The following GAS6 variants were observed in gnomAD, a reference collection of about 807,000 sequenced individuals.
GAS6 encodes the protein growth arrest specific 6.
GAS6 carries 41 observed loss-of-function variants against 75.8 expected under a neutral mutation model. The observed-to-expected ratio is 0.54, with a 90% CI of 0.42 to 0.70. GAS6 has a LOEUF of 0.70. GAS6 is among the 30% of genes least tolerant of loss of function. The probability of loss-of-function intolerance (pLI) is 0.00; values close to 1 mark genes in which losing one functional copy is unlikely to be tolerated. For synonymous variants in GAS6, 432 were observed against 412.6 expected (o/e 1.05, Z -0.57); for missense variants, 854 against 940.2 (o/e 0.91, Z 1.20).
chr13:113,823,588 G>A (rs574119601), intron 12 of GAS6, 38 bp from the exon 13 acceptor site: 25 of 1,567,222 alleles, frequency 1.6e-5, no homozygotes, highest in East Asian at 6.9e-5. Context: ...TGGTATGCAC[G>A]GTGGAGAGGC....
chr13:113,824,012 G>A (rs1023508670), intron 12 of GAS6, among the ~76,000 whole-genome samples: 1 of 152,216 alleles, frequency 6.6e-6, no homozygotes, highest in Admixed American at 6.5e-5. Flanking sequence ...GATAGCATGC[G>A]GACAGGAGCT....
chr13:113,849,460 A>G (rs1055226414), intron 2 of GAS6, among the ~76,000 whole-genome samples: 1 of 151,916 alleles, frequency 6.6e-6, no homozygotes, highest in African/African-American at 2.4e-5. Flanking sequence ...AAGGGAAGTG[A>G]TGGGGCTTTG....
chr13:113,830,472 G>A (rs1220019506), intron 10 of GAS6, among the ~76,000 whole-genome samples: 1 of 92,188 alleles, frequency 1.1e-5, no homozygotes, highest in Non-Finnish European at 1.9e-5. Flanking sequence ...CACCTGCCCC[G>A]GGCCCCTCCT....
intron 11 of GAS6, 66 bp from the exon 12 acceptor site, chr13:113,827,230 C>T (rs532062302): frequency 3.6e-5 from 56 of 1,544,720 alleles, no homozygotes; most frequent in East Asian, 1.4e-4. Context: ...ATGCCCCAGT[C>T]GGTGGGTGGC....
At chr13:113,852,584 C>T (rs2051884529) in intron 2 of GAS6, among the ~76,000 whole-genome samples, 1 of 152,210 alleles carries the variant, frequency 6.6e-6, no homozygotes, top group Non-Finnish European at 1.5e-5. Context: ...GCCTCTGCTG[C>T]CTTTGCTCTG....
chr13:113,854,369 C>G (rs1210208951), intron 2 of GAS6, among the ~76,000 whole-genome samples: 1 of 152,264 alleles, frequency 6.6e-6, no homozygotes, highest in African/African-American at 2.4e-5. Flanking sequence ...CAGAGGAGCT[C>G]GAGTGGCTTC....
intron 4 of GAS6, 81 bp from the exon 5 acceptor site, chr13:113,839,931 G>A: frequency 2.5e-6 from 4 of 1,601,672 alleles, no homozygotes; most frequent in Non-Finnish European, 3.4e-6. Flanking sequence ...CGGGGCGGCT[G>A]TGGGGTCTCG....
chr13:113,833,676 GAC>G, intron 8 of GAS6: 1 of 1,002,586 alleles, frequency 1.0e-6, no homozygotes, highest in African/African-American at 1.8e-5. Flanking sequence ...CGGTGTGACA[GAC>G]ACCGGTGACA....
intron 6 of GAS6, 65 bp from the exon 7 acceptor site, chr13:113,835,700 G>A (rs2051694577): frequency 5.1e-6 from 8 of 1,579,726 alleles, no homozygotes; most frequent in South Asian, 3.5e-5. Flanking sequence ...TGGGGCAGGC[G>A]GCTGCAGGGA....
chr13:113,823,306 G>A lies in GAS6; in HGVS notation c.1653+69C>T, dbSNP rs1337084072. 6 of 1,492,410 alleles carry A rather than the reference G, an allele frequency of 4.0e-6. No individual in the cohort carries two copies. In the African/African-American group the frequency reaches 5.6e-5, roughly 14 times the overall value. 92.4% of individuals were successfully genotyped at this position (1,492,410 alleles called of 1,614,324 possible). The stretch of plus-strand genomic sequence containing the variant: ...CCACCGCGGGCCCCCTTCGTCCCCT[G>A]CCAGGGAGTGCAGCCCACGTACCCG... On this transcript the variant is annotated intron_variant, in intron 13 of 14. Transcript: ENST00000327773.
Position 113,839,814 on chromosome 13 carries a change from C to T in GAS6, c.380G>A (p.Arg127Lys), listed in dbSNP as rs955057606. ...GTCCTGGCAGGCTTGGGTCCCCTTC[C>T]TATCGCAGGGGTTGGGCGTGCACTG... ...PDQCTPNPCD[R>K]KGTQACQDLM... Residue 127 changes from arginine (R) to lysine (K), a missense_variant, in exon 5 of 15, where the codon AGG becomes AAG. Coordinates refer to ENST00000327773, the MANE Select transcript of GAS6 (RefSeq NM_000820.4). 1 of 1,613,870 alleles carries T rather than the reference C, an allele frequency of 6.2e-7. No individual in the cohort carries two copies. The highest frequency in any genetic ancestry group is 1.3e-5 in the African/African-American group (1 of 74,934).
chr13:113,856,565 T>C (rs1476128926), intron 2 of GAS6, among the ~76,000 whole-genome samples: 9 of 152,206 alleles, frequency 5.9e-5, no homozygotes, highest in Admixed American at 5.2e-4. Flanking sequence ...AGCTAAGTGA[T>C]GGATCTGAGA....
chr13:113,826,416 C>T (rs1366749922), intron 12 of GAS6, among the ~76,000 whole-genome samples: 5 of 140,660 alleles, frequency 3.6e-5, no homozygotes, highest in African/African-American at 1.3e-4. Context: ...CCCCGGCCTC[C>T]CGGCGCTGGC....
At chr13:113,861,231 A>C (rs1039633130) in intron 2 of GAS6, among the ~76,000 whole-genome samples, 1 of 152,144 alleles carries the variant, frequency 6.6e-6, no homozygotes, top group African/African-American at 2.4e-5. Context: ...GAGCCTGCCC[A>C]GGGGAAACAG....
chr13:113,858,958 GTC>G (rs1249314038), intron 2 of GAS6, among the ~76,000 whole-genome samples: 1 of 143,212 alleles, frequency 7.0e-6, no homozygotes, highest in African/African-American at 2.7e-5. Context: ...GTGTGTACAT[GTC>G]TGTGTGACTG....
intron 12 of GAS6, 22 bp downstream of exon 12, chr13:113,826,974 A>C: frequency 1.9e-6 from 3 of 1,592,286 alleles, no homozygotes; most frequent in Non-Finnish European, 2.6e-6. Flanking sequence ...CAGCCACCCC[A>C]ACGGTAAGAG....
At chr13:113,833,930 AGT>A (rs2051664067) in intron 8 of GAS6, among the ~76,000 whole-genome samples, 1 of 139,206 alleles carries the variant, frequency 7.2e-6, no homozygotes, top group African/African-American at 2.7e-5. Flanking sequence ...GACAGGCACC[AGT>A]GTGACAGGCC....
chr13:113,821,384 G>A (rs901290981), intron 14 of GAS6: 63 of 254,366 alleles, frequency 2.5e-4, no homozygotes, highest in Non-Finnish European at 4.4e-4. Flanking sequence ...GTCTGTGTCT[G>A]GCAGCCAAGA....
chr13:113,862,497 C>T (rs772135363), intron 2 of GAS6, among the ~76,000 whole-genome samples: 8 of 152,104 alleles, frequency 5.3e-5, no homozygotes, highest in Admixed American at 5.2e-4. Context: ...ACAGAGAGGC[C>T]GGGGAGAGCG....
Sources: gnomAD v4.1 joint callset for allele counts (sites outside exome capture counted in the v4.1 genomes callset) on GRCh38, gnomAD v4.1.1 for gene constraint, MANE v1.5 for transcripts, NCBI Gene and HGNC (gene_info 2026-07-23, HGNC 2026-07-21) for gene names.